Variants in VPS35L observed in about 807,000 individuals in gnomAD.
VPS35L encodes VPS35 endosomal protein sorting factor like, also known as VPS35 endosomal protein-sorting factor-like.
Under a neutral mutation model 133.0 loss-of-function variants are expected in VPS35L, and 83 were observed. The observed-to-expected ratio is 0.62, with a 90% confidence interval of 0.52 to 0.75. The LOEUF is 0.75. Ranked by LOEUF, VPS35L falls within the 30% of genes least tolerant of loss-of-function variation. The pLI is 0.00. For synonymous variants in VPS35L, 423 were observed against 449.9 expected, an observed-to-expected ratio of 0.94 and a Z score of 0.76; for missense variants, 1,083 against 1,206.8, an observed-to-expected ratio of 0.90 and a Z score of 1.52.
chr16:19,623,844 C>T (rs1973170144), intron 14 of VPS35L, among the ~76,000 whole-genome samples: 1 of 145,448 alleles, frequency 6.9e-6, no homozygotes, highest in South Asian at 2.1e-4. Flanking sequence ...TGCTCTGTTG[C>T]CCAGGCTGAA....
chr16:19,662,267 G>T (rs9923035), intron 26 of VPS35L, among the ~76,000 whole-genome samples: 20,720 of 151,978 alleles, frequency 0.14, 2,298 homozygotes, highest in African/African-American at 0.29. Context: ...CACTTTGGGA[G>T]GCAGAGGCAG....
intron 28 of VPS35L, among the ~76,000 whole-genome samples, chr16:19,689,278 T>TG (rs998900704): frequency 1.9e-5 from 1 of 51,990 alleles, no homozygotes; most frequent in Non-Finnish European, 3.6e-5. Flanking sequence ...TGCCTGGCGT[T>TG]TTTTTTTTTT....
At chr16:19,672,501 A>G (rs571340493) in intron 27 of VPS35L, among the ~76,000 whole-genome samples, 1 of 152,360 alleles carries the variant, frequency 6.6e-6, no homozygotes, top group South Asian at 2.1e-4. Context: ...ATTATATCTC[A>G]GTAAAGCTGA....
At chr16:19,645,414 C>A (rs866204074) in intron 23 of VPS35L, among the ~76,000 whole-genome samples, 1 of 151,950 alleles carries the variant, frequency 6.6e-6, no homozygotes, top group East Asian at 1.9e-4. Context: ...CTCAGCCTCC[C>A]GAGTAGCTGG....
intron 2 of VPS35L, among the ~76,000 whole-genome samples, chr16:19,566,761 C>A (rs1195634237): frequency 6.7e-6 from 1 of 149,094 alleles, no homozygotes; most frequent in Non-Finnish European, 1.5e-5. Context: ...CCTTTTTTTT[C>A]TTTTTTTTGA....
intron 26 of VPS35L, among the ~76,000 whole-genome samples, chr16:19,660,783 T>A (rs1008860060): frequency 5.9e-5 from 9 of 152,174 alleles, no homozygotes; most frequent in Non-Finnish European, 1.2e-4. Flanking sequence ...AGGCAATCTG[T>A]ATTTTAAATC....
At position 19,616,825 on chromosome 16, in the gene VPS35L, T is replaced by C; in HGVS notation, c.1224+17T>C. 1 of 1,614,150 alleles carries C rather than the reference T, an allele frequency of 6.2e-7. No individual in the cohort carries two copies. Among genetic ancestry groups the C allele is most frequent in the Non-Finnish European group, 8.5e-7 (1 of 1,180,028 alleles). On this transcript the variant is annotated intron_variant, in intron 14 of 30. Transcript: ENST00000417362. The stretch of plus-strand genomic sequence containing the variant: ...GCCCCCGAGGTAACTGCCAGGTGGC[T>C]TCAGTGTGACGCTCACCTCCTGTAT...
intron 14 of VPS35L, chr16:19,618,084 C>CAAAAAAAAA (rs60900526): frequency 1.8e-5 from 1 of 56,560 alleles, no homozygotes; most frequent in Non-Finnish European, 3.5e-5. Context: ...CAGACTGTCT[C>CAAAAAAAAA]AAAAAAAAAA....
chr16:19,686,583 G>A (rs1426844904), intron 28 of VPS35L, among the ~76,000 whole-genome samples: 1 of 152,126 alleles, frequency 6.6e-6, no homozygotes, highest in Non-Finnish European at 1.5e-5. Context: ...TTGCAACTTG[G>A]GGTGGGACAG....
chr16:19,688,020 G>A (rs1389211626), intron 28 of VPS35L, among the ~76,000 whole-genome samples: 2 of 152,132 alleles, frequency 1.3e-5, no homozygotes, highest in African/African-American at 2.4e-5. Context: ...TCTGCCTCCT[G>A]GGCTCAAGTC....
chr16:19,594,793 T>G (rs1423866351), intron 8 of VPS35L, among the ~76,000 whole-genome samples: 6 of 141,132 alleles, frequency 4.3e-5, no homozygotes, highest in African/African-American at 1.1e-4. Context: ...AAAACCAGAG[T>G]GGGGTGAGGG....
chr16:19,652,184 T>C, intron 26 of VPS35L, 94 bp downstream of exon 26: 1 of 938,080 alleles, frequency 1.1e-6, no homozygotes, highest in Admixed American at 2.1e-5. Context: ...AGACAAAGAT[T>C]TCTTTTTTTA....
At chr16:19,649,753 A>G (rs918544103) in intron 24 of VPS35L, among the ~76,000 whole-genome samples, 2 of 152,206 alleles carry the variant, frequency 1.3e-5, no homozygotes, top group African/African-American at 2.4e-5. Flanking sequence ...TTCAAGGAGA[A>G]TAACTTTCAT....
chr16:19,578,091 GT>G (rs531362874), intron 5 of VPS35L, among the ~76,000 whole-genome samples: 2 of 152,156 alleles, frequency 1.3e-5, no homozygotes, highest in Non-Finnish European at 2.9e-5. Context: ...TCCACTGCCT[GT>G]TTTTTAAGTA....
chr16:19,627,821 C>T lies in VPS35L; in HGVS notation c.1383+16C>T. 6.4e-7 allele frequency: 1 copy of T among 1,562,450 alleles called. No individual in the cohort carries two copies. The highest frequency in any genetic ancestry group is 8.8e-7 in the Non-Finnish European group (1 of 1,133,062). ...TTTCCCCAAGGTAGGCTCTTGACTT[C>T]ATGCTCAGTAGGACACAAATAAGCG... On this transcript the variant is annotated intron_variant, in intron 16 of 30. Transcript: ENST00000417362.
intron 24 of VPS35L, among the ~76,000 whole-genome samples, chr16:19,648,130 T>G (rs1974010454): frequency 6.6e-6 from 1 of 151,996 alleles, no homozygotes; most frequent in African/African-American, 2.4e-5. Flanking sequence ...ATTTTAAATT[T>G]TGTTTTGTGT....
chr16:19,609,107 G>C, intron 11 of VPS35L, 86 bp downstream of exon 11: 1 of 1,170,174 alleles, frequency 8.5e-7, no homozygotes, highest in Non-Finnish European at 1.3e-6. Context: ...TGTAATAGTA[G>C]CCATTATTCA....
intron 12 of VPS35L, 58 bp from the exon 13 acceptor site, chr16:19,616,056 A>C: frequency 7.3e-7 from 1 of 1,361,654 alleles, no homozygotes; most frequent in Non-Finnish European, 1.0e-6. Context: ...AATTTCCAAA[A>C]ATAAAATCAT....
intron 19 of VPS35L, among the ~76,000 whole-genome samples, chr16:19,635,767 C>T (rs1002602780): frequency 6.6e-6 from 1 of 152,148 alleles, no homozygotes; most frequent in African/African-American, 2.4e-5. Flanking sequence ...GTATGTTTTG[C>T]ATAGAGACAA....
Sources: allele counts gnomAD v4.1 joint callset (sites outside exome capture counted in the v4.1 genomes callset), GRCh38; gene constraint gnomAD v4.1.1; transcripts MANE v1.5; gene names NCBI Gene and HGNC (gene_info 2026-07-23, HGNC 2026-07-21).